The following RYR3 variants were observed in gnomAD, a reference collection of about 807,000 sequenced individuals.
The protein encoded by RYR3 is brain ryanodine receptor-calcium release channel.
A neutral mutation model predicts 584.3 loss-of-function variants in RYR3; 207 were observed. The ratio of observed to expected loss-of-function variants is 0.35; its 90% CI spans 0.32 to 0.40. RYR3 has a LOEUF of 0.40. Ranked by LOEUF, RYR3 falls within the 10% of genes least tolerant of loss-of-function variation. The pLI is 1.00. For missense variants in RYR3, 5,616 were observed against 6,089.2 expected (o/e 0.92, Z 2.59); for synonymous variants, 2,416 against 2,248.5 (o/e 1.07, Z -2.11).
chr15:33,800,672 G>A, intron 67 of RYR3, 98 bp from the exon 68 acceptor site: 1 of 818,420 alleles, frequency 1.2e-6, no homozygotes, highest in Non-Finnish European at 2.1e-6. Flanking sequence ...GTTTGATCTG[G>A]ATAAATGTAT....
chr15:33,487,265 G>A (rs2050524947), intron 2 of RYR3, among the ~76,000 whole-genome samples: 1 of 151,982 alleles, frequency 6.6e-6, no homozygotes, highest in Non-Finnish European at 1.5e-5. Flanking sequence ...ATTCCAGCAG[G>A]GTTGGAATGG....
At chr15:33,805,695 T>C (rs915342419) in intron 69 of RYR3, among the ~76,000 whole-genome samples, 9 of 151,744 alleles carry the variant, frequency 5.9e-5, no homozygotes, top group Non-Finnish European at 8.8e-5. Context: ...GCCAGGATGG[T>C]CTCGATCTCC....
intron 60 of RYR3, among the ~76,000 whole-genome samples, chr15:33,763,255 A>G (rs2072667135): frequency 6.6e-6 from 1 of 152,260 alleles, no homozygotes; most frequent in South Asian, 2.1e-4. Context: ...AACAAAAGCC[A>G]TAATTGACAA....
chr15:33,372,292 A>G (rs2040388954), intron 1 of RYR3, among the ~76,000 whole-genome samples: 1 of 151,644 alleles, frequency 6.6e-6, no homozygotes, highest in Non-Finnish European at 1.5e-5. Flanking sequence ...CCCAGATTTA[A>G]GCAATTCTCC....
At position 33,581,499 on chromosome 15, in the gene RYR3, CCTT is replaced by C. The variant is rs776291519; in HGVS notation, c.1438-6_1438-4del. 1.8e-5 allele frequency: 29 copies of C among 1,612,772 alleles called. No homozygotes were observed. In the African/African-American group the frequency reaches 2.5e-4, roughly 14 times the overall value. On this transcript the variant is annotated splice_region_variant and splice_polypyrimidine_tract_variant and intron_variant, in intron 13 of 103. Transcript: ENST00000634891. ...CAATGTTTACATTTTCCTCCACTCT[CCTT>C]CTCAGGGAATGTTGGCCCTTGTCTT... is the stretch of plus-strand genomic sequence containing the variant.
intron 38 of RYR3, among the ~76,000 whole-genome samples, chr15:33,693,203 A>G (rs939667473): frequency 6.6e-6 from 1 of 152,210 alleles, no homozygotes; most frequent in Non-Finnish European, 1.5e-5. Flanking sequence ...GTAAGTAATA[A>G]CTAGGAGTGC....
chr15:33,399,522 C>T (rs569087684), intron 1 of RYR3, among the ~76,000 whole-genome samples: 6 of 152,226 alleles, frequency 3.9e-5, no homozygotes, highest in African/African-American at 1.2e-4. Flanking sequence ...CCTGTATTCC[C>T]AGCTACTCGC....
chr15:33,763,102 T>G (rs1299795280), intron 60 of RYR3, among the ~76,000 whole-genome samples: 1 of 152,216 alleles, frequency 6.6e-6, no homozygotes, highest in South Asian at 2.1e-4. Flanking sequence ...CCTTACACCT[T>G]ATACAGAAAT....
chr15:33,446,425 C>A (rs560093806), intron 1 of RYR3, among the ~76,000 whole-genome samples: 1 of 152,180 alleles, frequency 6.6e-6, no homozygotes, highest in Non-Finnish European at 1.5e-5. Context: ...GGTGGCTTAA[C>A]AGAAATCTAT....
At chr15:33,760,672 A>C (rs1413654436) in intron 60 of RYR3, among the ~76,000 whole-genome samples, 1 of 152,116 alleles carries the variant, frequency 6.6e-6, no homozygotes, top group African/African-American at 2.4e-5. Flanking sequence ...TTAAAACCCC[A>C]CTGTCAATAT....
chr15:33,673,208 C>T (rs1437053903), intron 38 of RYR3, among the ~76,000 whole-genome samples: 1 of 152,216 alleles, frequency 6.6e-6, no homozygotes, highest in Non-Finnish European at 1.5e-5. Context: ...AATGTTTTAA[C>T]ATTTAAAAGT....
At chr15:33,424,708 G>T (rs1302900679) in intron 1 of RYR3, among the ~76,000 whole-genome samples, 2 of 152,292 alleles carry the variant, frequency 1.3e-5, no homozygotes, top group East Asian at 3.9e-4. Context: ...ATCTCTGTTA[G>T]AGTGATTATC....
At chr15:33,819,036 T>C (rs2076969263) in intron 76 of RYR3, among the ~76,000 whole-genome samples, 1 of 151,948 alleles carries the variant, frequency 6.6e-6, no homozygotes, top group African/African-American at 2.4e-5. Context: ...GGCAGGACAA[T>C]CGCTTGAACC....
At chr15:33,635,137 G>A (rs187871427) in intron 25 of RYR3, among the ~76,000 whole-genome samples, 28 of 152,206 alleles carry the variant, frequency 1.8e-4, no homozygotes, top group Admixed American at 6.5e-4. Flanking sequence ...CTGAACAACA[G>A]CTTAAAATTG....
In RYR3 at chr15:33,512,020, C is replaced by T. The variant is rs531312409; in HGVS notation, c.279+8282C>T. Among the ~76,000 whole-genome samples the T allele has an allele frequency of 4.6e-5, 7 of 152,244 alleles. No homozygotes were observed. In the South Asian group the frequency reaches 1.0e-3, roughly 23 times the overall value. On this transcript the variant is annotated intron_variant, in intron 3 of 103. Transcript: ENST00000634891. Reference sequence around the variant, plus strand: ...GTCTTGATCTCCTGACCTCATGATCCGCCCGCCTCGGCCTTCCAAAGTGCT... The same window carrying T: ...GTCTTGATCTCCTGACCTCATGATCTGCCCGCCTCGGCCTTCCAAAGTGCT...
intron 1 of RYR3, among the ~76,000 whole-genome samples, chr15:33,443,639 G>C (rs1227757501): frequency 1.3e-5 from 2 of 152,102 alleles, no homozygotes; most frequent in African/African-American, 2.4e-5. Flanking sequence ...GTAATTATCA[G>C]GTTGTCAGGT....
chr15:33,795,081 T>G (rs1459511146), intron 67 of RYR3, among the ~76,000 whole-genome samples: 1 of 152,192 alleles, frequency 6.6e-6, no homozygotes, highest in South Asian at 2.1e-4. Context: ...CTCTAATCCC[T>G]CTTGTGGCAG....
intron 19 of RYR3, among the ~76,000 whole-genome samples, chr15:33,621,666 G>A (rs1183317362): frequency 6.6e-6 from 1 of 152,106 alleles, no homozygotes. Flanking sequence ...CTTAAAATAG[G>A]AAACTGGGAG....
At chr15:33,509,962 A>C (rs563952354) in intron 3 of RYR3, among the ~76,000 whole-genome samples, 3 of 152,224 alleles carry the variant, frequency 2.0e-5, no homozygotes, top group Admixed American at 6.5e-5. Flanking sequence ...GAAAAATAAC[A>C]TTCTGGTTTC....
Sources: gnomAD v4.1 joint callset for allele counts (sites outside exome capture counted in the v4.1 genomes callset) on GRCh38, gnomAD v4.1.1 for gene constraint, MANE v1.5 for transcripts, NCBI Gene and HGNC (gene_info 2026-07-23, HGNC 2026-07-21) for gene names.